Variants in PECAM1 observed in about 807,000 individuals in gnomAD.
PECAM1 encodes platelet endothelial cell adhesion molecule.
In PECAM1, 8 loss-of-function variants were observed where a neutral mutation model predicts 13.8. The observed-to-expected ratio is 0.58, with a 90% CI of 0.34 to 1.05. PECAM1 has a LOEUF of 1.05. PECAM1 is among the 50% of genes least tolerant of loss of function. PECAM1 has a pLI of 0.03. For missense variants in PECAM1, 304 were observed against 141.2 expected, an observed-to-expected ratio of 2.15 and a Z score of -5.84; for synonymous variants, 136 against 52.6, an observed-to-expected ratio of 2.58 and a Z score of -6.86.
chr17:64,348,609 T>C (rs1177355754), intron 12 of PECAM1, among the ~76,000 whole-genome samples: 1 of 152,030 alleles, frequency 6.6e-6, no homozygotes, highest in East Asian at 1.9e-4. Context: ...GGTTAATTTT[T>C]GTATTTTTAG....
chr17:64,330,593 A>G (rs6504217), intron 14 of PECAM1, among the ~76,000 whole-genome samples: 122,559 of 149,506 alleles, frequency 0.82, 50,768 homozygotes, highest in African/African-American at 0.95. Context: ...CTGAGATCGC[A>G]CCACTGCACT....
intron 5 of PECAM1, among the ~76,000 whole-genome samples, chr17:64,365,375 A>G (rs1447164943): frequency 1.3e-5 from 2 of 152,036 alleles, no homozygotes; most frequent in African/African-American, 4.8e-5. Context: ...AAGAATCAAT[A>G]TCGTGAAAAT....
intron 5 of PECAM1, among the ~76,000 whole-genome samples, chr17:64,365,852 C>A (rs12453662): frequency 0.38 from 56,915 of 149,774 alleles, 12,598 homozygotes; most frequent in East Asian, 0.53. Context: ...AAACATTAGA[C>A]CTAAAACCAT....
chr17:64,331,093 AGAG>A, intron 14 of PECAM1, among the ~76,000 whole-genome samples: 1 of 152,298 alleles, frequency 6.6e-6, no homozygotes, highest in Admixed American at 6.5e-5. Flanking sequence ...CAGGCTCAAC[AGAG>A]GAGGAGGCAG....
At chr17:64,363,523 T>G in intron 5 of PECAM1, 126 bp from the exon 6 acceptor site, 1 of 462,662 alleles carries the variant, frequency 2.2e-6, no homozygotes, top group Admixed American at 3.2e-5. Flanking sequence ...CAAAAAGTTT[T>G]CCTTTGCTTC....
intron 5 of PECAM1, among the ~76,000 whole-genome samples, chr17:64,369,429 AATC>A (rs1158159853): frequency 6.6e-6 from 1 of 152,114 alleles, no homozygotes; most frequent in African/African-American, 2.4e-5. Flanking sequence ...TTATCTCATT[AATC>A]ATTATAGCAG....
intron 14 of PECAM1, among the ~76,000 whole-genome samples, chr17:64,339,072 A>G (rs1395408023): frequency 6.6e-6 from 1 of 152,180 alleles, no homozygotes; most frequent in African/African-American, 2.4e-5. Flanking sequence ...GGTGCCCCTC[A>G]CCACCTATAA....
chr17:64,362,317 C>T (rs1220853176), intron 6 of PECAM1, among the ~76,000 whole-genome samples: 5 of 152,176 alleles, frequency 3.3e-5, no homozygotes, highest in African/African-American at 1.2e-4. Flanking sequence ...AAGTCTTACC[C>T]TTTTGGGTTA....
chr17:64,336,990 C>T (rs1437468098), intron 14 of PECAM1, among the ~76,000 whole-genome samples: 2 of 149,742 alleles, frequency 1.3e-5, no homozygotes, highest in Admixed American at 1.3e-4. Context: ...AAAGAGAGAG[C>T]GAGAGAGAAA....
chr17:64,344,611 T>C (rs2035518234), intron 13 of PECAM1, among the ~76,000 whole-genome samples: 1 of 151,854 alleles, frequency 6.6e-6, no homozygotes. Context: ...GAGGAAGTCT[T>C]GAGAGCAGGG....
At chr17:64,378,146 T>TA (rs2036403461) in intron 2 of PECAM1, 29 bp from the exon 3 acceptor site, 3 of 468,086 alleles carry the variant, frequency 6.4e-6, no homozygotes, top group African/African-American at 6.0e-5. Flanking sequence ...AAGGCAGACA[T>TA]ACCTGTTATC....
intron 11 of PECAM1, among the ~76,000 whole-genome samples, chr17:64,351,329 A>C (rs1260580396): frequency 6.6e-6 from 1 of 152,218 alleles, no homozygotes; most frequent in African/African-American, 2.4e-5. Flanking sequence ...CTCAAGCAAA[A>C]TATGTCTCTG....
chr17:64,359,472 G>A (rs1217234267), intron 7 of PECAM1, among the ~76,000 whole-genome samples: 1 of 152,160 alleles, frequency 6.6e-6, no homozygotes. Context: ...GGGTTGCCCG[G>A]CTAGGAGTCA....
At chr17:64,330,983 C>A (rs2035098048) in intron 14 of PECAM1, among the ~76,000 whole-genome samples, 1 of 152,258 alleles carries the variant, frequency 6.6e-6, no homozygotes, top group Admixed American at 6.5e-5. Flanking sequence ...AATGTAGGTG[C>A]TTTCCAAGTT....
intron 13 of PECAM1, among the ~76,000 whole-genome samples, chr17:64,347,434 G>A (rs970179574): frequency 2.7e-5 from 4 of 150,652 alleles, no homozygotes; most frequent in Non-Finnish European, 4.4e-5. Context: ...GGGAGGCTGA[G>A]GCAGGAGAAT....
chr17:64,390,294 T>C (rs2036688276), intron 2 of PECAM1, 195 bp downstream of exon 2: 1 of 399,490 alleles, frequency 2.5e-6, no homozygotes, highest in East Asian at 3.6e-5. Context: ...TAAAACACAC[T>C]GACCAGAACT....
At chr17:64,367,755 T>A (rs1489519491) in intron 5 of PECAM1, among the ~76,000 whole-genome samples, 1 of 152,022 alleles carries the variant, frequency 6.6e-6, no homozygotes, top group African/African-American at 2.4e-5. Context: ...GGTAGCTCTT[T>A]ATCCCCAGTA....
chr17:64,388,492 T>C (rs1336743680), intron 2 of PECAM1, among the ~76,000 whole-genome samples: 1 of 152,160 alleles, frequency 6.6e-6, no homozygotes, highest in South Asian at 2.1e-4. Flanking sequence ...CGAAGTTCTC[T>C]TATCATCCCC....
chr17:64,329,968 T>A (rs2035062423), intron 14 of PECAM1, among the ~76,000 whole-genome samples: 1 of 151,788 alleles, frequency 6.6e-6, no homozygotes, highest in South Asian at 2.1e-4. Flanking sequence ...TTCTTTATTT[T>A]TTATTTTTTG....
Sources: gnomAD v4.1 joint callset for allele counts (sites outside exome capture counted in the v4.1 genomes callset) on GRCh38, gnomAD v4.1.1 for gene constraint, MANE v1.5 for transcripts, NCBI Gene and HGNC (gene_info 2026-07-23, HGNC 2026-07-21) for gene names.